USP3: variants seen among roughly 807,000 people sequenced by gnomAD.
USP3 encodes the protein ubiquitin carboxyl-terminal hydrolase 3.
A neutral mutation model predicts 72.3 loss-of-function variants in USP3; 20 were observed. The ratio of observed to expected loss-of-function variants is 0.28; its 90% CI spans 0.19 to 0.40. USP3 has a LOEUF of 0.40. Among genes scored for constraint, USP3 ranks in the 10% least tolerant of loss-of-function variants. The pLI is 1.00. For synonymous variants in USP3, 222 were observed against 225.3 expected (o/e 0.99, Z 0.13); for missense variants, 479 against 633.9 (o/e 0.76, Z 2.62).
At chr15:63,551,320 T>A (rs1477529413) in intron 3 of USP3, 4 of 151,976 alleles carry the variant, frequency 2.6e-5, no homozygotes, top group African/African-American at 4.8e-5. Flanking sequence ...TTCTTTTCAT[T>A]TGATTCTTTC....
chr15:63,538,872 G>A (rs531182594), intron 3 of USP3, among the ~76,000 whole-genome samples: 4 of 152,102 alleles, frequency 2.6e-5, no homozygotes, highest in Non-Finnish European at 5.9e-5. Flanking sequence ...GACATCTTAA[G>A]GGTTATTCAT....
chr15:63,587,783 C>T (rs2067103848), intron 11 of USP3: 1 of 152,090 alleles, frequency 6.6e-6, no homozygotes, highest in Non-Finnish European at 1.5e-5. Context: ...TTACTAAACC[C>T]CAGGTTACAC....
rs1372897529 is a variant in USP3 at position 63,590,449 on chromosome 15, CTCCATTAG to C, written c.1398-207_1398-200del. 3.3e-5 allele frequency among the ~76,000 whole-genome samples: 5 copies of C among 152,322 alleles called. No homozygotes were observed. In the East Asian group the frequency reaches 9.6e-4, roughly 29 times the overall value. On this transcript the variant is annotated intron_variant, in intron 14 of 14. Transcript: ENST00000380324. ...GTTGCGAGTTCCTCATCTCTGTTTTCTCCATTAGTCCAGGGCCATCTGCTTTGTGTTCT... is the reference window on the plus strand; with the variant it reads ...GTTGCGAGTTCCTCATCTCTGTTTTCTCCAGGGCCATCTGCTTTGTGTTCT...
Position 63,588,082 on chromosome 15 carries a change from G to A in USP3, c.1097-223G>A. The A allele has an allele frequency of 2.6e-6, 1 of 390,490 alleles. No individual in the cohort carries two copies. Among genetic ancestry groups the A allele is most frequent in the Non-Finnish European group, 4.6e-6 (1 of 218,888 alleles). The allele number at this position is 390,490 out of a possible 1,614,324, so 24.2% of individuals were successfully genotyped here. On this transcript the variant is annotated intron_variant, in intron 11 of 14. Coordinates refer to ENST00000380324, the MANE Select transcript of USP3 (RefSeq NM_006537.4). The surrounding 1 kb of genome is among the most constrained non-coding windows in gnomAD (Gnocchi z 4.6). ...CCAACACAATTGATCATCACCAGAT[G>A]TCAGGCATGATGCCAGGTGCTCTAC... is the stretch of plus-strand genomic sequence containing the variant.
chr15:63,543,321 C>T (rs1260672063), intron 3 of USP3, among the ~76,000 whole-genome samples: 1 of 151,964 alleles, frequency 6.6e-6, no homozygotes, highest in Non-Finnish European at 1.5e-5. Flanking sequence ...ACACATTTTA[C>T]TCAATAAGTA....
chr15:63,522,659 C>T (rs1381740445), intron 1 of USP3, among the ~76,000 whole-genome samples: 1 of 150,562 alleles, frequency 6.6e-6, no homozygotes, highest in Non-Finnish European at 1.5e-5. Context: ...AATTCTTACT[C>T]ACTTCTTTGC....
intron 1 of USP3, among the ~76,000 whole-genome samples, chr15:63,519,504 G>A (rs1243308935): frequency 6.6e-6 from 1 of 152,026 alleles, no homozygotes; most frequent in Non-Finnish European, 1.5e-5. Flanking sequence ...GTCTTCTCAG[G>A]CATCATATCA....
intron 5 of USP3, 21 bp from the exon 6 acceptor site, chr15:63,558,085 C>T (rs1163943962): frequency 1.9e-6 from 3 of 1,613,936 alleles, no homozygotes; most frequent in Non-Finnish European, 2.5e-6. Context: ...TACTGATGGC[C>T]TCTTCTTGCA....
intron 3 of USP3, among the ~76,000 whole-genome samples, chr15:63,545,447 A>C (rs1009956415): frequency 2.6e-5 from 4 of 152,138 alleles, no homozygotes; most frequent in Non-Finnish European, 5.9e-5. Context: ...ATCTTTACAT[A>C]CCCAAGATGA....
chr15:63,564,197 T>C (rs2066651076), intron 8 of USP3, among the ~76,000 whole-genome samples: 1 of 152,216 alleles, frequency 6.6e-6, no homozygotes, highest in Non-Finnish European at 1.5e-5. Flanking sequence ...ATGCCTACTG[T>C]GTGCCACCCA....
chr15:63,539,374 T>C (rs1321818178), intron 3 of USP3, among the ~76,000 whole-genome samples: 1 of 152,222 alleles, frequency 6.6e-6, no homozygotes, highest in Non-Finnish European at 1.5e-5. Flanking sequence ...ATTAAATCGC[T>C]GTGTGCTATA....
At chr15:63,505,012 T>G (rs2065690120) in intron 1 of USP3, among the ~76,000 whole-genome samples, 182 bp downstream of exon 1, 2 of 150,342 alleles carry the variant, frequency 1.3e-5, no homozygotes, top group African/African-American at 4.9e-5. Context: ...GGCGGCTCCT[T>G]TGTTTCCCGA....
At position 63,556,686 on chromosome 15, in the gene USP3, A is replaced by G; in HGVS notation, c.388A>G (p.Arg130Gly). 6.2e-7 allele frequency: 1 copy of G among 1,608,400 alleles called. No individual in the cohort carries two copies. The highest frequency in any genetic ancestry group is 2.2e-5 in the East Asian group (1 of 44,854). Reference sequence around the variant, plus strand: ...TAATAGCTCAGCTTTCACAGCTGACAGGCATAAGAAAAGAAAACTTTTGGA... The same window carrying G: ...TAATAGCTCAGCTTTCACAGCTGACGGGCATAAGAAAAGAAAACTTTTGGA... The part of the protein sequence containing the change: ...NLENSAFTAD[R>G]HKKRKLLENS... The change falls in exon 5 of 15, where the codon AGG (arginine) becomes GGG (glycine). Residue 130 changes from arginine (R) to glycine (G), a missense_variant. Arg to Gly is a moderately radical substitution (Grantham distance 125). Coordinates refer to ENST00000380324, the MANE Select transcript of USP3 (RefSeq NM_006537.4).
chr15:63,584,086 GGTTTT>G lies in USP3; in HGVS notation c.1097-4213_1097-4209del, dbSNP rs1474172958. ...TACATTCCCACCAGCAAGGTACAACGGTTTTGTTTTTTTTTTTTTTTTTTTTTTTG... is the reference window on the plus strand; with the variant it reads ...TACATTCCCACCAGCAAGGTACAACGGTTTTTTTTTTTTTTTTTTTTTTTG... On this transcript the variant is annotated intron_variant, in intron 11 of 14. Transcript: ENST00000380324. Among the ~76,000 whole-genome samples, 9 of 145,258 alleles carry G rather than the reference GGTTTT, an allele frequency of 6.2e-5. 1 individual carries two copies. The South Asian group carries it at 1.1e-3, about 17-fold the overall frequency.
intron 2 of USP3, among the ~76,000 whole-genome samples, chr15:63,536,462 A>AT (rs2066158154): frequency 6.6e-6 from 1 of 151,810 alleles, no homozygotes; most frequent in South Asian, 2.1e-4. Flanking sequence ...GAGAAAAAAA[A>AT]AAAAAGCTAT....
At chr15:63,585,834 C>T (rs1438181806) in intron 11 of USP3, among the ~76,000 whole-genome samples, 6 of 106,096 alleles carry the variant, frequency 5.7e-5, no homozygotes, top group Admixed American at 2.0e-4. Context: ...GAATGTCTTT[C>T]AATTTTGTTC....
intron 3 of USP3, among the ~76,000 whole-genome samples, chr15:63,552,981 T>C (rs978182284): frequency 6.6e-6 from 1 of 152,228 alleles, no homozygotes; most frequent in Admixed American, 6.5e-5. Context: ...AAAAATTAAA[T>C]GCTAATGTGA....
Position 63,504,822 on chromosome 15 carries a change from G to C in USP3, c.83G>C (p.Cys28Ser), listed in dbSNP as rs777919141. ...CCCAACGGCTCCCCGTCGTCCTGGT[G>C]CTGCAGCGGTGAGTGCGGCCACGGG... ...KFPNGSPSSW[C>S]CSVCRSNKSP... is the part of the protein sequence containing the mutation. The change falls in exon 1 of 15, where the codon TGC becomes TCC. Residue 28 changes from cysteine to serine, a missense_variant. By Grantham distance (112) the Cys-to-Ser change is moderately radical. Coordinates refer to ENST00000380324, the MANE Select transcript of USP3 (RefSeq NM_006537.4). The C allele has an allele frequency of 2.0e-5, 32 of 1,607,090 alleles. No individual in the cohort carries two copies. The highest frequency in any genetic ancestry group is 2.6e-5 in the Non-Finnish European group (31 of 1,177,592).
chr15:63,542,109 A>T, intron 3 of USP3: 1 of 985,042 alleles, frequency 1.0e-6, no homozygotes, highest in Non-Finnish European at 1.2e-6. Context: ...CAAGGACATG[A>T]TGTGGAAGTC....
Sources: gnomAD v4.1 joint callset for allele counts (sites outside exome capture counted in the v4.1 genomes callset) on GRCh38, gnomAD v4.1.1 for gene constraint, Gnocchi (gnomAD v3.1) non-coding constraint, MANE v1.5 for transcripts, NCBI Gene and HGNC (gene_info 2026-07-23, HGNC 2026-07-21) for gene names.